ITK: variants seen among roughly 807,000 people sequenced by gnomAD.
ITK encodes the protein tyrosine-protein kinase ITK/TSK.
A neutral mutation model predicts 87.6 loss-of-function variants in ITK; 45 were observed. That is an observed-to-expected ratio of 0.51 (90% CI 0.40 to 0.66). The LOEUF is 0.66. Among genes scored for constraint, ITK ranks in the 30% least tolerant of loss-of-function variants. ITK has a pLI of 0.00. For missense variants in ITK, 605 were observed against 766.3 expected (o/e 0.79, Z 2.48); for synonymous variants, 303 against 273.6 (o/e 1.11, Z -1.06).
chr5:157,216,544 T>G (rs375728315), intron 4 of ITK, among the ~76,000 whole-genome samples: 12 of 151,904 alleles, frequency 7.9e-5, no homozygotes, highest in Non-Finnish European at 1.5e-4. Context: ...CAGAAGTGGA[T>G]GAGTAAAAAC....
intron 8 of ITK, among the ~76,000 whole-genome samples, chr5:157,233,084 A>G (rs1754691711): frequency 6.6e-6 from 1 of 152,228 alleles, no homozygotes; most frequent in Admixed American, 6.5e-5. Flanking sequence ...AAAAGATGGT[A>G]TGGTGGGGCA....
chr5:157,209,155 A>AC (rs1754136937), intron 2 of ITK, among the ~76,000 whole-genome samples, 162 bp downstream of exon 2: 1 of 151,820 alleles, frequency 6.6e-6, no homozygotes, highest in African/African-American at 2.4e-5. Flanking sequence ...CCAACATGAA[A>AC]CCCCATCTCT....
intron 1 of ITK, among the ~76,000 whole-genome samples, chr5:157,196,220 C>T (rs565493352): frequency 3.9e-5 from 6 of 152,274 alleles, no homozygotes; most frequent in Admixed American, 3.3e-4. Flanking sequence ...AGGATATTTG[C>T]ATCTGTTATT....
chr5:157,242,986 C>T (rs1754943140), intron 11 of ITK, among the ~76,000 whole-genome samples: 2 of 151,896 alleles, frequency 1.3e-5, no homozygotes, highest in African/African-American at 4.8e-5. Context: ...CCTCTTTAGC[C>T]TCCTTATGAA....
intron 8 of ITK, among the ~76,000 whole-genome samples, chr5:157,237,897 C>A (rs1754809265): frequency 6.6e-6 from 1 of 152,236 alleles, no homozygotes; most frequent in African/African-American, 2.4e-5. Context: ...TGGTTCATGT[C>A]AGCATGAGAA....
At chr5:157,202,678 T>C (rs193055329) in intron 1 of ITK, among the ~76,000 whole-genome samples, 4 of 152,336 alleles carry the variant, frequency 2.6e-5, no homozygotes, top group Admixed American at 2.0e-4. Flanking sequence ...CTGGGTCAAA[T>C]GGTAATTCTG....
chr5:157,213,191 C>G (rs30137), intron 3 of ITK, among the ~76,000 whole-genome samples: 106,899 of 152,006 alleles, frequency 0.7, 38,206 homozygotes, highest in East Asian at 0.98. Context: ...GGTGGCAGGA[C>G]AGAGAATGAC....
At chr5:157,252,450 G>A (rs1755159764) in intron 16 of ITK, among the ~76,000 whole-genome samples, 157 bp from the exon 17 acceptor site, 1 of 152,176 alleles carries the variant, frequency 6.6e-6, no homozygotes, top group African/African-American at 2.4e-5. Context: ...CAGAATACCT[G>A]CTGTTAACAA....
intron 16 of ITK, among the ~76,000 whole-genome samples, chr5:157,249,633 G>A (rs556705693): frequency 3.9e-5 from 6 of 152,282 alleles, no homozygotes; most frequent in African/African-American, 9.6e-5. Context: ...ATCATTGTAC[G>A]ACAACAAGGT....
At chr5:157,243,879 G>T in intron 12 of ITK, 85 bp downstream of exon 12, 2 of 1,286,526 alleles carry the variant, frequency 1.6e-6, no homozygotes, top group South Asian at 2.4e-5. Context: ...ACGCCAGGGG[G>T]TACTATCTCC....
intron 1 of ITK, among the ~76,000 whole-genome samples, chr5:157,207,548 T>A (rs971443646): frequency 2.6e-5 from 4 of 151,842 alleles, no homozygotes; most frequent in Non-Finnish European, 5.9e-5. Flanking sequence ...ACCTGGCTAA[T>A]TTTTGTATTT....
intron 15 of ITK, among the ~76,000 whole-genome samples, chr5:157,247,133 CA>C (rs1238746234): frequency 1.3e-5 from 2 of 152,090 alleles, no homozygotes; most frequent in African/African-American, 4.8e-5. Context: ...TAGTAGAAAC[CA>C]GGGGGGAGTT....
At position 157,253,611 on chromosome 5, in the gene ITK, G is replaced by T; in HGVS notation, c.*933G>T. 4.4e-6 allele frequency: 1 copy of T among 228,830 alleles called. No individual in the cohort carries two copies. The highest frequency in any genetic ancestry group is 6.2e-5 in the East Asian group (1 of 16,094). 14.2% of individuals were successfully genotyped at this position (228,830 alleles called of 1,614,324 possible). On this transcript the variant is annotated 3_prime_UTR_variant, in exon 17 of 17. Transcript: ENST00000422843. ...AAACATCCTTTTTTCCAGCCTCTGGGAATCAGCCCCCCCTCTCTGCACTAT... is the reference window on the plus strand; with the variant it reads ...AAACATCCTTTTTTCCAGCCTCTGGTAATCAGCCCCCCCTCTCTGCACTAT...
chr5:157,191,653 A>G (rs759046529), intron 1 of ITK, among the ~76,000 whole-genome samples: 10 of 152,194 alleles, frequency 6.6e-5, no homozygotes, highest in Non-Finnish European at 1.0e-4. Flanking sequence ...GTATTTCCAT[A>G]TATCTACAAT....
At chr5:157,243,845 C>T (rs752374346) in intron 12 of ITK, 51 bp downstream of exon 12, 1 of 1,565,214 alleles carries the variant, frequency 6.4e-7, no homozygotes, top group African/African-American at 1.4e-5. Flanking sequence ...AACATCGGTT[C>T]AGTGTTCTTG....
chr5:157,217,948 G>T (rs760589156), intron 5 of ITK, 41 bp downstream of exon 5: 1 of 1,567,268 alleles, frequency 6.4e-7, no homozygotes, highest in South Asian at 1.1e-5. Context: ...TGGGCCCACA[G>T]GCTACCTGAT....
chr5:157,236,739 G>C (rs1322989410), intron 8 of ITK, among the ~76,000 whole-genome samples: 1 of 152,106 alleles, frequency 6.6e-6, no homozygotes, highest in Admixed American at 6.5e-5. Flanking sequence ...TTTCCACCAA[G>C]AATGAATAAA....
chr5:157,252,525 G>T, intron 16 of ITK, 82 bp from the exon 17 acceptor site: 1 of 965,008 alleles, frequency 1.0e-6, no homozygotes. Context: ...AGGGGATGCT[G>T]CTATTAAATT....
chr5:157,234,357 G>T (rs943131455), intron 8 of ITK, among the ~76,000 whole-genome samples: 2 of 151,998 alleles, frequency 1.3e-5, no homozygotes, highest in African/African-American at 2.4e-5. Context: ...AACATCAATG[G>T]GTCCCTGTCA....
Sources: gnomAD v4.1 joint callset for allele counts (sites outside exome capture counted in the v4.1 genomes callset) on GRCh38, gnomAD v4.1.1 for gene constraint, MANE v1.5 for transcripts, NCBI Gene and HGNC (gene_info 2026-07-23, HGNC 2026-07-21) for gene names.